The following PSEN2 variants were observed in gnomAD, a reference collection of about 807,000 sequenced individuals.
PSEN2 encodes presenilin 2.
A neutral mutation model predicts 49.1 loss-of-function variants in PSEN2; 32 were observed. The observed-to-expected ratio is 0.65, with a 90% CI of 0.49 to 0.88. PSEN2 has a LOEUF of 0.88. PSEN2 is among the 40% of genes least tolerant of loss of function. The pLI, the probability that PSEN2 is intolerant of heterozygous loss-of-function variation, is 0.00. For missense variants in PSEN2, 522 were observed against 586.9 expected (o/e 0.89, Z 1.14); for synonymous variants, 255 against 244.0 (o/e 1.05, Z -0.42).
intron 6 of PSEN2, among the ~76,000 whole-genome samples, chr1:226,886,039 A>T (rs915193652): frequency 6.6e-5 from 10 of 151,678 alleles, no homozygotes; most frequent in African/African-American, 1.2e-4. Flanking sequence ...CTAATTAAAA[A>T]ATTTTTTTTT....
At chr1:226,876,630 G>T (rs1201006617) in intron 3 of PSEN2, among the ~76,000 whole-genome samples, 1 of 152,104 alleles carries the variant, frequency 6.6e-6, no homozygotes, top group East Asian at 1.9e-4. Flanking sequence ...TAATATTTCC[G>T]ATCTTTTATA....
At chr1:226,882,820 G>A (rs1296220695) in intron 4 of PSEN2, among the ~76,000 whole-genome samples, 1 of 152,198 alleles carries the variant, frequency 6.6e-6, no homozygotes, top group East Asian at 1.9e-4. Context: ...GCCTTTTCTT[G>A]TTTGTTATCT....
At chr1:226,877,659 A>C (rs1211748117) in intron 3 of PSEN2, among the ~76,000 whole-genome samples, 7 of 152,204 alleles carry the variant, frequency 4.6e-5, no homozygotes, top group East Asian at 3.9e-4. Context: ...TGCTTTCTTG[A>C]AGTCTTGGTC....
intron 3 of PSEN2, among the ~76,000 whole-genome samples, chr1:226,879,641 C>T (rs147467284): frequency 5.9e-5 from 9 of 152,206 alleles, no homozygotes; most frequent in African/African-American, 2.2e-4. Context: ...GAATGAGCCC[C>T]CTCCTCCAAA....
At chr1:226,901,001 A>G (rs1558159307), downstream of PSEN2, among the ~76,000 whole-genome samples, 1 of 152,202 alleles carries the variant, frequency 6.6e-6, no homozygotes, top group Non-Finnish European at 1.5e-5. Flanking sequence ...CTTGCCCAAA[A>G]TCAAGCAGGG....
intron 5 of PSEN2, chr1:226,884,617 TAAAG>T (rs2102674845): frequency 6.6e-6 from 1 of 152,132 alleles, no homozygotes; most frequent in East Asian, 1.9e-4. Flanking sequence ...TTGTTTCTTT[TAAAG>T]AAAGGAATAA....
rs1661557893 is a variant in PSEN2 at position 226,889,007 on chromosome 1, G to A, written c.745G>A (p.Glu249Lys). Residue 249 changes from glutamate (E) to lysine (K), a missense_variant, in exon 8 of 13, where the codon GAG becomes AAG. Coordinates refer to ENST00000366783, the MANE Select transcript of PSEN2 (RefSeq NM_000447.3). ...MALVFIKYLP[E>K]WSAWVILGAI... ...CCTAGTGTTCATCAAGTACCTCCCAGAGTGGTCCGCGTGGGTCATCCTGGG... is the reference window on the plus strand; with the variant it reads ...CCTAGTGTTCATCAAGTACCTCCCAAAGTGGTCCGCGTGGGTCATCCTGGG... 6.2e-7 allele frequency: 1 copy of A among 1,614,048 alleles called. No individual in the cohort carries two copies. Among genetic ancestry groups the A allele is most frequent in the African/African-American group, 1.3e-5 (1 of 74,920 alleles).
chr1:226,901,166 T>C (rs571611345), downstream of PSEN2, among the ~76,000 whole-genome samples: 17 of 152,284 alleles, frequency 1.1e-4, no homozygotes, highest in Middle Eastern at 3.4e-3. Flanking sequence ...CTACGCACGG[T>C]GGCTCACACC....
At chr1:226,886,375 G>A (rs757691872) in intron 6 of PSEN2, among the ~76,000 whole-genome samples, 38 of 152,304 alleles carry the variant, frequency 2.5e-4, no homozygotes, top group East Asian at 5.8e-4. Flanking sequence ...GCCATGCTGA[G>A]GTCTTGCAGC....
Position 226,901,846 on chromosome 1 carries a change from G to T in PSEN2, c.1192-6676G>T, listed in dbSNP as rs12564719. ...TACAGTTGTAGCAAGCTGCTACTTTGCAAATGACCCATGCATTTTAATTTT... is the reference window on the plus strand; with the variant it reads ...TACAGTTGTAGCAAGCTGCTACTTTTCAAATGACCCATGCATTTTAATTTT... On this transcript the variant is annotated intron_variant, in intron 12 of 14. Transcript: ENST00000676945. 2.1e-3 allele frequency among the ~76,000 whole-genome samples: 316 copies of T among 152,302 alleles called. 12 individuals are homozygous for T. In the South Asian group the frequency reaches 0.029, roughly 14 times the overall value.
chr1:226,884,710 T>C (rs1661236601), intron 5 of PSEN2: 1 of 151,818 alleles, frequency 6.6e-6, no homozygotes, highest in Non-Finnish European at 1.5e-5. Flanking sequence ...GCCCAGGAGT[T>C]TGAGACCAGC....
intron 11 of PSEN2, 59 bp downstream of exon 11, chr1:226,891,903 G>C: frequency 2.0e-6 from 3 of 1,493,276 alleles, no homozygotes; most frequent in Non-Finnish European, 2.8e-6. Context: ...GAGACAGAGG[G>C]TGGAGGCTCC....
Position 226,891,313 on chromosome 1 carries a change from G to A in PSEN2, c.922G>A (p.Asp308Asn). 1 of 1,613,950 alleles carries A rather than the reference G, an allele frequency of 6.2e-7. No individual in the cohort carries two copies. Among genetic ancestry groups the A allele is most frequent in the African/African-American group, 1.3e-5 (1 of 75,032 alleles). ...GTGGACGGTTGGCATGGCGAAGCTG[G>A]ACCCCTCCTCTCAGGGTGCCCTCCA... is the stretch of plus-strand genomic sequence containing the variant. ...MVWTVGMAKL[D>N]PSSQGALQLP... is the part of the protein sequence containing the mutation. Residue 308 changes from aspartate (D) to asparagine (N), a missense_variant, in exon 10 of 13, where the codon GAC (aspartate) becomes AAC (asparagine). Physicochemically the swap from Asp to Asn is conservative, Grantham distance 23 (BLOSUM62 1). Transcript: ENST00000366783.
intron 5 of PSEN2, 28 bp downstream of exon 5, chr1:226,883,947 GTGGGGTGAGGGCTGAGTTGCCA>G: frequency 5.3e-6 from 8 of 1,514,146 alleles, no homozygotes; most frequent in Admixed American, 5.1e-5. Flanking sequence ...GGGGAGCAGG[GTGGGGTGAGGGCTGAGTTGCCA>G]GGGGGTGGGG....
chr1:226,883,892 G>T lies in PSEN2; in HGVS notation c.329G>T (p.Arg110Leu), dbSNP rs747296921. 1 of 1,591,900 alleles carries T rather than the reference G, an allele frequency of 6.3e-7. No individual in the cohort carries two copies. Among genetic ancestry groups the T allele is most frequent in the Non-Finnish European group, 8.6e-7 (1 of 1,167,294 alleles). Reference protein sequence around the residue: ...IVVVATIKSVRFYTEKNGQLI... With the variant: ...IVVVATIKSVLFYTEKNGQLI... ...GTGGTAGCCACCATCAAGTCTGTGCGCTTCTACACAGAGAAGAATGGACAG... is the reference window on the plus strand; with the variant it reads ...GTGGTAGCCACCATCAAGTCTGTGCTCTTCTACACAGAGAAGAATGGACAG... Residue 110 changes from arginine to leucine, a missense_variant, in exon 5 of 13, where the codon CGC becomes CTC. By Grantham distance (102) the Arg-to-Leu change is moderately radical. Transcript: ENST00000366783.
At chr1:226,894,242 G>A in intron 12 of PSEN2, 117 bp downstream of exon 12, 1 of 734,312 alleles carries the variant, frequency 1.4e-6, no homozygotes. Context: ...TTCCCTCTGA[G>A]GGACAAGAGC....
chr1:226,882,059 C>G lies in PSEN2; in HGVS notation c.141+11C>G, dbSNP rs1249275874. On this transcript the variant is annotated intron_variant, in intron 4 of 12. Coordinates refer to ENST00000366783, the MANE Select transcript of PSEN2 (RefSeq NM_000447.3). Reference sequence around the variant, plus strand: ...AACACTGCCCAGTGGGTAGGTCCCACCAGCAGCTGGGGGCCTTCAAACAGG... The same window carrying G: ...AACACTGCCCAGTGGGTAGGTCCCAGCAGCAGCTGGGGGCCTTCAAACAGG... 2.9e-5 allele frequency: 47 copies of G among 1,613,672 alleles called. No individual in the cohort carries two copies. The highest frequency in any genetic ancestry group is 4.0e-5 in the Non-Finnish European group (47 of 1,179,938).
intron 2 of PSEN2, among the ~76,000 whole-genome samples, chr1:226,873,036 G>A (rs1285794429): frequency 1.3e-5 from 2 of 152,148 alleles, no homozygotes; most frequent in African/African-American, 2.4e-5. Flanking sequence ...AATTAGCCGG[G>A]CGTGGTGGCA....
chr1:226,891,894 A>G (rs2102690744), intron 11 of PSEN2, 50 bp downstream of exon 11: 1 of 1,549,220 alleles, frequency 6.5e-7, no homozygotes, highest in South Asian at 1.1e-5. Flanking sequence ...GCGGGAGCGG[A>G]GACAGAGGGT....
Sources: gnomAD v4.1 joint callset for allele counts (sites outside exome capture counted in the v4.1 genomes callset) on GRCh38, gnomAD v4.1.1 for gene constraint, MANE v1.5 for transcripts, NCBI Gene and HGNC (gene_info 2026-07-23, HGNC 2026-07-21) for gene names.